Variants in RAB35 observed in about 807,000 individuals in gnomAD.
The protein encoded by RAB35 is ras-related protein Rab-35.
RAB35 carries 4 observed loss-of-function variants against 28.9 expected under a neutral mutation model. That is an observed-to-expected ratio of 0.14 (90% CI 0.07 to 0.32). The LOEUF (loss-of-function observed/expected upper bound fraction) is 0.32, where lower values mean the gene tolerates loss of function less well. Among genes scored for constraint, RAB35 ranks in the 10% least tolerant of loss-of-function variants. The pLI, the probability that RAB35 is intolerant of heterozygous loss-of-function variation, is 1.00. For synonymous variants in RAB35, 99 were observed against 105.1 expected (o/e 0.94, Z 0.35); for missense variants, 128 against 274.0 (o/e 0.47, Z 3.76).
Position 120,103,704 on chromosome 12 carries a change from C to T in RAB35, c.227+122G>A. 1 of 1,419,792 alleles carries T rather than the reference C, an allele frequency of 7.0e-7. No individual in the cohort carries two copies. Among genetic ancestry groups the T allele is most frequent in the Non-Finnish European group, 9.6e-7 (1 of 1,043,594 alleles). The allele number at this position is 1,419,792 out of a possible 1,614,324, so 87.9% of individuals were successfully genotyped here. A position where few individuals can be genotyped will look rare whatever the true frequency, so the allele number is the denominator to read the frequency against. ...GCCACCTACTACAGCCAACAACAGG[C>T]TCACTTCCCGACAGCCTCAGGGACC... is the stretch of plus-strand genomic sequence containing the variant. On this transcript the variant is annotated intron_variant, in intron 3 of 5. Coordinates refer to ENST00000229340, the MANE Select transcript of RAB35 (RefSeq NM_006861.7). This position sits in a 1 kb window ranked among gnomAD's most constrained non-coding sequence, Gnocchi z 6.1.
rs1401485498 is a variant in RAB35 at position 120,099,213 on chromosome 12, G to A, written c.228-59C>T. On this transcript the variant is annotated intron_variant, in intron 3 of 5. Transcript: ENST00000229340. ...CCCGACAGGAGTCACCCCCTTGCCG[G>A]GACCCACCTGCCCACGTCAGGACAC... 25 of 1,605,998 alleles carry A rather than the reference G, an allele frequency of 1.6e-5. No homozygotes were observed. In the Admixed American group the frequency reaches 4.0e-4, roughly 26 times the overall value.
At position 120,103,653 on chromosome 12, in the gene RAB35, C is replaced by A. The variant is rs78762237; in HGVS notation, c.227+173G>T. 1.7e-3 allele frequency among the ~76,000 whole-genome samples: 265 copies of A among 152,336 alleles called. No individual in the cohort carries two copies. The highest frequency in any genetic ancestry group is 2.7e-3 in the Non-Finnish European group (186 of 68,028). On this transcript the variant is annotated intron_variant, in intron 3 of 5. Coordinates refer to ENST00000229340, the MANE Select transcript of RAB35 (RefSeq NM_006861.7). This position sits in a 1 kb window ranked among gnomAD's most constrained non-coding sequence, Gnocchi z 6.1. ...CCCCACAGCACCCCCCTCACATCTT[C>A]AGGACCAGGAAGGGTGCAGCCAAAC...
chr12:120,096,702 A>G lies in RAB35; in HGVS notation c.*543T>C. 2 of 1,289,874 alleles carry G rather than the reference A, an allele frequency of 1.6e-6. No homozygotes were observed. Among genetic ancestry groups the G allele is most frequent in the Non-Finnish European group, 2.0e-6 (2 of 988,890 alleles). 79.9% of individuals were successfully genotyped at this position (1,289,874 alleles called of 1,614,324 possible). ...GGAAGGGAGCTGGCACAGGCCCCGGAGAAGGGGCAAGACCCTGTGCAGCGG... is the reference window on the plus strand; with the variant it reads ...GGAAGGGAGCTGGCACAGGCCCCGGGGAAGGGGCAAGACCCTGTGCAGCGG... On this transcript the variant is annotated 3_prime_UTR_variant, in exon 6 of 6. Transcript: ENST00000229340.
intron 1 of RAB35, among the ~76,000 whole-genome samples, 163 bp downstream of exon 1, chr12:120,116,436 G>A (rs1249681893): frequency 6.6e-6 from 1 of 150,852 alleles, no homozygotes; most frequent in Non-Finnish European, 1.5e-5. Flanking sequence ...TCCCCTCGGC[G>A]CGGTCCGGAG....
Position 120,096,276 on chromosome 12 carries a change from A to T in RAB35, c.*969T>A. 1.9e-6 allele frequency: 1 copy of T among 517,614 alleles called. No individual in the cohort carries two copies. The highest frequency in any genetic ancestry group is 3.1e-6 in the Non-Finnish European group (1 of 327,676). 32.1% of individuals were successfully genotyped at this position (517,614 alleles called of 1,614,324 possible). A position where few individuals can be genotyped will look rare whatever the true frequency, so the allele number is the denominator to read the frequency against. ...AGAGTCCAGCCCCACAATGGCAGGAAGCCATTCATTTTTTTCTAAAAACAG... is the reference window on the plus strand; with the variant it reads ...AGAGTCCAGCCCCACAATGGCAGGATGCCATTCATTTTTTTCTAAAAACAG... On this transcript the variant is annotated 3_prime_UTR_variant, in exon 6 of 6. Transcript: ENST00000229340.
chr12:120,114,511 T>G (rs1009624168), intron 1 of RAB35, among the ~76,000 whole-genome samples: 2 of 152,020 alleles, frequency 1.3e-5, no homozygotes, highest in Non-Finnish European at 2.9e-5. Flanking sequence ...TTCAGGGGAG[T>G]GTGTAATGTC....
chr12:120,113,025 G>A (rs938758389), intron 1 of RAB35, among the ~76,000 whole-genome samples: 3 of 151,538 alleles, frequency 2.0e-5, no homozygotes, highest in African/African-American at 4.9e-5. Flanking sequence ...CGAGTAGCTG[G>A]GATTACAGGT....
intron 1 of RAB35, among the ~76,000 whole-genome samples, chr12:120,112,890 G>A (rs1277897790): frequency 7.1e-6 from 1 of 141,778 alleles, no homozygotes; most frequent in Non-Finnish European, 1.5e-5. Flanking sequence ...ACGCCCAACT[G>A]ATTTTTTTTT....
intron 1 of RAB35, among the ~76,000 whole-genome samples, chr12:120,111,373 G>A (rs1254958134): frequency 2.6e-5 from 4 of 152,100 alleles, no homozygotes; most frequent in African/African-American, 9.7e-5. Context: ...CAGGCGTCTC[G>A]GCAGAGCAGT....
intron 2 of RAB35, 61 bp from the exon 3 acceptor site, chr12:120,104,010 C>G: frequency 1.9e-6 from 3 of 1,592,288 alleles, no homozygotes; most frequent in Non-Finnish European, 2.6e-6. Flanking sequence ...CTGAGCCCCA[C>G]GCTGCACACA....
Position 120,109,751 on chromosome 12 carries a change from G to A in RAB35, c.53-1284C>T, listed in dbSNP as rs183532221. Among the ~76,000 whole-genome samples, 4 of 143,568 alleles carry A rather than the reference G, an allele frequency of 2.8e-5. No individual in the cohort carries two copies. In the East Asian group the frequency reaches 8.9e-4, roughly 32 times the overall value. 94.2% of individuals were successfully genotyped at this position (143,568 alleles called of 152,430 possible). A position where few individuals can be genotyped will look rare whatever the true frequency, so the allele number is the denominator to read the frequency against. On this transcript the variant is annotated intron_variant, in intron 1 of 5. Transcript: ENST00000229340. ...ACTTCTGGCCTCAAGCAACCCTCCC[G>A]CCTGGGCCTCCCAAAGCGCTGGGAT...
chr12:120,104,862 G>A (rs1392082076), intron 2 of RAB35, among the ~76,000 whole-genome samples: 1 of 152,134 alleles, frequency 6.6e-6, no homozygotes, highest in Admixed American at 6.6e-5. Context: ...TCAAACTCCT[G>A]ACCTCAAGTG....
At chr12:120,107,122 A>C in intron 2 of RAB35, among the ~76,000 whole-genome samples, 1 of 151,816 alleles carries the variant, frequency 6.6e-6, no homozygotes. Flanking sequence ...CCCAGTCGCT[A>C]GGATTATAGG....
intron 3 of RAB35, among the ~76,000 whole-genome samples, chr12:120,100,592 C>T (rs557717046): frequency 1.3e-5 from 2 of 152,320 alleles, no homozygotes; most frequent in Admixed American, 1.3e-4. Context: ...TGCTGCAGAG[C>T]CAGAGCTCCT....
At chr12:120,107,412 CA>C (rs1176484466) in intron 2 of RAB35, among the ~76,000 whole-genome samples, 1 of 152,180 alleles carries the variant, frequency 6.6e-6, no homozygotes, top group African/African-American at 2.4e-5. Context: ...TACTAAGATC[CA>C]GCACTGACCA....
Position 120,098,804 on chromosome 12 carries a change from G to A in RAB35, c.477+7C>T, listed in dbSNP as rs1566281909. 2 of 1,614,158 alleles carry A rather than the reference G, an allele frequency of 1.2e-6. No individual in the cohort carries two copies. Among genetic ancestry groups the A allele is most frequent in the Non-Finnish European group, 1.7e-6 (2 of 1,180,014 alleles). ...TGTGGCAGAGCCACAGTGGCCCAGG[G>A]CCTCACCTCTTCCACGTTGACATTC... On this transcript the variant is annotated splice_region_variant and intron_variant, in intron 5 of 5. Coordinates refer to ENST00000229340, the MANE Select transcript of RAB35 (RefSeq NM_006861.7).
chr12:120,106,139 T>C (rs149467874), intron 2 of RAB35, among the ~76,000 whole-genome samples: 1 of 151,840 alleles, frequency 6.6e-6, no homozygotes, highest in Non-Finnish European at 1.5e-5. Flanking sequence ...GTCGTAGAAA[T>C]GGAAAGGTGG....
At chr12:120,104,651 T>C (rs1875797199) in intron 2 of RAB35, among the ~76,000 whole-genome samples, 1 of 150,686 alleles carries the variant, frequency 6.6e-6, no homozygotes, top group East Asian at 2.0e-4. Context: ...TGGATTTTTT[T>C]TGGTGGGGGG....
rs1875556203 is a variant in RAB35, at chr12:120,099,160, G to A, written c.228-6C>T. 2 of 1,614,082 alleles carry A rather than the reference G, an allele frequency of 1.2e-6. No homozygotes were observed. The highest frequency in any genetic ancestry group is 2.2e-5 in the East Asian group (1 of 44,900). ...CGTGGGTCCCCCGATAATACCTGCA[G>A]GGCCAGAGTGTGCGGCAGCATGTCA... On this transcript the variant is annotated splice_polypyrimidine_tract_variant and splice_region_variant and intron_variant, in intron 3 of 5. Transcript: ENST00000229340.
Sources: gnomAD v4.1 joint callset for allele counts (sites outside exome capture counted in the v4.1 genomes callset) on GRCh38, gnomAD v4.1.1 for gene constraint, Gnocchi (gnomAD v3.1) non-coding constraint, MANE v1.5 for transcripts, NCBI Gene and HGNC (gene_info 2026-07-23, HGNC 2026-07-21) for gene names.